The following CCDC60 variants were observed in gnomAD, a reference collection of about 807,000 sequenced individuals.
The protein encoded by CCDC60 is coiled-coil domain containing 60, also known as coiled-coil domain-containing protein 60.
In CCDC60, 54 loss-of-function variants were observed where a neutral mutation model predicts 63.5. The ratio of observed to expected loss-of-function variants is 0.85; its 90% CI spans 0.68 to 1.07. CCDC60 has a LOEUF of 1.07. CCDC60 is among the 50% of genes least tolerant of loss of function. CCDC60 has a pLI of 0.00. For missense variants in CCDC60, 651 were observed against 684.3 expected (o/e 0.95, Z 0.54); for synonymous variants, 206 against 238.8 (o/e 0.86, Z 1.27).
At chr12:119,459,679 C>T (rs1411229118) in intron 2 of CCDC60, among the ~76,000 whole-genome samples, 1 of 152,148 alleles carries the variant, frequency 6.6e-6, no homozygotes, top group Admixed American at 6.5e-5. Flanking sequence ...GCCCTGCTTG[C>T]ACTACCCAGA....
intron 2 of CCDC60, among the ~76,000 whole-genome samples, chr12:119,457,341 A>G (rs1950766964): frequency 6.6e-6 from 1 of 152,216 alleles, no homozygotes; most frequent in East Asian, 1.9e-4. Flanking sequence ...GAACCCATTA[A>G]CGGGTCTTTC....
rs916513702 is a variant in CCDC60, at chr12:119,513,811, G to T, written c.884-2812G>T. 9.9e-5 allele frequency among the ~76,000 whole-genome samples: 15 copies of T among 152,248 alleles called. No individual in the cohort carries two copies. In the East Asian group the frequency reaches 2.9e-3, roughly 29 times the overall value. On this transcript the variant is annotated intron_variant, in intron 7 of 13. Coordinates refer to ENST00000327554, the MANE Select transcript of CCDC60 (RefSeq NM_178499.5). ...CAATAAACCTACTGCATTTTATACT[G>T]CATATAAAAGTATAACACAATTATA...
intron 5 of CCDC60, 85 bp from the exon 6 acceptor site, chr12:119,499,993 C>T: frequency 2.1e-6 from 2 of 941,806 alleles, no homozygotes; most frequent in South Asian, 2.6e-5. Context: ...CACCATTCCT[C>T]CTCTATTTAT....
intron 2 of CCDC60, among the ~76,000 whole-genome samples, chr12:119,442,906 G>A (rs1207162876): frequency 6.6e-6 from 1 of 152,168 alleles, no homozygotes; most frequent in African/African-American, 2.4e-5. Context: ...CCAGAAATAC[G>A]GTGTAAAGAG....
At chr12:119,507,559 TATATATATATGTATATATACAC>T (rs1333278777) in intron 7 of CCDC60, among the ~76,000 whole-genome samples, 1,147 of 70,742 alleles carry the variant, frequency 0.016, 50 homozygotes, top group South Asian at 0.033. Context: ...TACATATATA[TATATATATATGTATATATACAC>T]ATATATATAC....
rs779050813 is a variant in CCDC60 at position 119,505,070 on chromosome 12, C to T, written c.650C>T (p.Thr217Ile). 2 of 1,597,208 alleles carry T rather than the reference C, an allele frequency of 1.3e-6. No individual in the cohort carries two copies. Among genetic ancestry groups the T allele is most frequent in the African/African-American group, 2.7e-5 (2 of 74,482 alleles). ...CTCTCTTTCTTCTCTTTCCTTTAGACCAAGAAATTCAAAATTCCCACAATG... is the reference window on the plus strand; with the variant it reads ...CTCTCTTTCTTCTCTTTCCTTTAGATCAAGAAATTCAAAATTCCCACAATG... ...KWEHFITAPKTKKFKIPTMRV... is the reference protein window; with the variant it reads ...KWEHFITAPKIKKFKIPTMRV... The change falls in exon 7 of 14, where the codon ACC becomes ATC. Residue 217 changes from threonine to isoleucine, a missense_variant and splice_region_variant. By Grantham distance (89) the Thr-to-Ile change is moderately conservative. Coordinates refer to ENST00000327554, the MANE Select transcript of CCDC60 (RefSeq NM_178499.5).
intron 1 of CCDC60, among the ~76,000 whole-genome samples, chr12:119,353,579 CCT>C (rs1565967337): frequency 7.5e-6 from 1 of 133,576 alleles, no homozygotes; most frequent in African/African-American, 2.7e-5. Context: ...TCCCCTCTCT[CCT>C]TCTTCTTCTT....
intron 13 of CCDC60, among the ~76,000 whole-genome samples, chr12:119,539,088 C>G (rs1251223323): frequency 6.6e-6 from 1 of 152,210 alleles, no homozygotes; most frequent in Admixed American, 6.5e-5. Context: ...GGGGCACCAG[C>G]CTGATGCCAG....
At chr12:119,524,565 T>A in intron 11 of CCDC60, 1 of 458,744 alleles carries the variant, frequency 2.2e-6, no homozygotes, top group Non-Finnish European at 2.9e-6. Context: ...AACAGTCCAG[T>A]AGGGAAGATG....
At chr12:119,450,636 A>C (rs1950612572) in intron 2 of CCDC60, among the ~76,000 whole-genome samples, 1 of 152,122 alleles carries the variant, frequency 6.6e-6, no homozygotes, top group South Asian at 2.1e-4. Flanking sequence ...AGGTGGGCGG[A>C]TCACAAGGTC....
At chr12:119,339,510 C>T (rs1054501194) in intron 1 of CCDC60, among the ~76,000 whole-genome samples, 3 of 149,990 alleles carry the variant, frequency 2.0e-5, no homozygotes, top group Non-Finnish European at 3.0e-5. Context: ...TTCTGCCAGG[C>T]GCAGTGGCTC....
intron 11 of CCDC60, among the ~76,000 whole-genome samples, chr12:119,525,481 G>A (rs1952656632): frequency 6.6e-6 from 1 of 152,108 alleles, no homozygotes; most frequent in African/African-American, 2.4e-5. Flanking sequence ...GAAGAGACTG[G>A]GGGGCTATAT....
In CCDC60 at chr12:119,477,007, A is replaced by G. The variant is rs532090643; in HGVS notation, c.342-2087A>G. 9.8e-5 allele frequency among the ~76,000 whole-genome samples: 15 copies of G among 152,382 alleles called. No individual in the cohort carries two copies. In the South Asian group the frequency reaches 3.1e-3, roughly 32 times the overall value. ...AAGATAATCAGAACTTCTTTCTCTC[A>G]TAAATCTGCAATTTGAGTAAGGCTC... On this transcript the variant is annotated intron_variant, in intron 3 of 13. Coordinates refer to ENST00000327554, the MANE Select transcript of CCDC60 (RefSeq NM_178499.5).
In CCDC60 at chr12:119,479,199, C is replaced by T. The variant is rs757762228; in HGVS notation, c.447C>T (p.His149=). The stretch of plus-strand genomic sequence containing the variant: ...TTTCTCCCTCGCTAACCGAGGCTCA[C>T]GTGTAAGTAGTCTCACCTCCAGCTC... ...CIISPSLTEA[H]VEPLFRQLCA... Residue 149 remains histidine, a splice_region_variant and synonymous_variant, in exon 4 of 14, where the codon CAC becomes CAT. Transcript: ENST00000327554. The T allele has an allele frequency of 4.3e-6, 7 of 1,609,390 alleles. No individual in the cohort carries two copies. The highest frequency in any genetic ancestry group is 1.3e-5 in the African/African-American group (1 of 74,832).
intron 6 of CCDC60, among the ~76,000 whole-genome samples, chr12:119,504,269 C>T (rs975238662): frequency 2.0e-5 from 3 of 152,106 alleles, no homozygotes; most frequent in Non-Finnish European, 2.9e-5. Context: ...ATGAGTTATA[C>T]GAGGACATAA....
chr12:119,378,101 G>A (rs111863693), intron 1 of CCDC60, among the ~76,000 whole-genome samples: 125 of 152,304 alleles, frequency 8.2e-4, no homozygotes, highest in Middle Eastern at 3.4e-3. Context: ...GAGATCAGTC[G>A]GACCAGGTAT....
Position 119,334,742 on chromosome 12 carries a change from C to G in CCDC60, c.-435C>G, listed in dbSNP as rs561140899. The stretch of plus-strand genomic sequence containing the variant: ...CCTACTTTCCCCGCAGTGCGATAAA[C>G]CCCTCGTTGGGGCCGCCTTAGTTCT... On this transcript the variant is annotated 5_prime_UTR_variant, in exon 1 of 14. Coordinates refer to ENST00000327554, the MANE Select transcript of CCDC60 (RefSeq NM_178499.5). The G allele has an allele frequency of 2.2e-5, 3 of 136,720 alleles. No homozygotes were observed. Among genetic ancestry groups the G allele is most frequent in the African/African-American group, 8.0e-5 (3 of 37,590 alleles). 8.5% of individuals were successfully genotyped at this position (136,720 alleles called of 1,614,324 possible).
At chr12:119,445,491 TAAAAA>T in intron 2 of CCDC60, among the ~76,000 whole-genome samples, 1 of 117,900 alleles carries the variant, frequency 8.5e-6, no homozygotes. Context: ...TGCCCTGAGC[TAAAAA>T]AAAAAAAAAA....
intron 13 of CCDC60, among the ~76,000 whole-genome samples, chr12:119,536,101 G>A (rs1952997747): frequency 6.6e-6 from 1 of 152,180 alleles, no homozygotes; most frequent in Admixed American, 6.5e-5. Context: ...GGGTGCTCCT[G>A]TATTTGGTGC....
Sources: allele counts gnomAD v4.1 joint callset (sites outside exome capture counted in the v4.1 genomes callset), GRCh38; gene constraint gnomAD v4.1.1; transcripts MANE v1.5; gene names NCBI Gene and HGNC (gene_info 2026-07-23, HGNC 2026-07-21).